NOC4L: variants seen among roughly 807,000 people sequenced by gnomAD.
NOC4L encodes nucleolar complex protein 4 homolog.
NOC4L carries 40 observed loss-of-function variants against 62.8 expected under a neutral mutation model. That is an observed-to-expected ratio of 0.64 (90% CI 0.49 to 0.83). The LOEUF (loss-of-function observed/expected upper bound fraction) is 0.83. NOC4L is among the 40% of genes least tolerant of loss of function. NOC4L has a pLI of 0.00. For missense variants in NOC4L, 927 were observed against 701.9 expected (o/e 1.32, Z -3.62); for synonymous variants, 433 against 299.8 (o/e 1.44, Z -4.59).
Position 132,151,633 on chromosome 12 carries a change from C to T in NOC4L, c.1223C>T (p.Pro408Leu). The stretch of plus-strand genomic sequence containing the variant: ...GCCTGCCGGGTCCTCGTGCACCGTC[C>T]ACACGGCCCTGGTGAGTTGCGGGGC... ...HPACRVLVHR[P>L]HGPELDADPY... The change falls in exon 12 of 15, where the codon CCA becomes CTA. Residue 408 changes from proline to leucine, a missense_variant. Pro to Leu is a moderately conservative substitution (Grantham distance 98). Coordinates refer to ENST00000330579, the MANE Select transcript of NOC4L (RefSeq NM_024078.3). 6.2e-7 allele frequency: 1 copy of T among 1,611,804 alleles called. No homozygotes were observed. The highest frequency in any genetic ancestry group is 8.5e-7 in the Non-Finnish European group (1 of 1,179,518).
Position 132,148,125 on chromosome 12 carries a change from G to T in NOC4L, c.738+19G>T. The stretch of plus-strand genomic sequence containing the variant: ...CCTGAAGGTGAGTTGCTTCTGGAGA[G>T]CCGGGCACCCTCCCGGGTTTGGGGG... On this transcript the variant is annotated intron_variant, in intron 7 of 14. Transcript: ENST00000330579. 6.2e-7 allele frequency: 1 copy of T among 1,612,852 alleles called. No individual in the cohort carries two copies. Among genetic ancestry groups the T allele is most frequent in the South Asian group, 1.1e-5 (1 of 91,024 alleles).
At position 132,151,755 on chromosome 12, in the gene NOC4L, T is replaced by A; in HGVS notation, c.1252T>A (p.Tyr418Asn). Reference protein sequence around the residue: ...PHGPELDADPYDPGEEDPAQS... With the variant: ...PHGPELDADPNDPGEEDPAQS... ...ATTCCTAGAGTTGGACGCCGACCCCTACGACCCTGGAGAGGAGGACCCAGC... is the reference window on the plus strand; with the variant it reads ...ATTCCTAGAGTTGGACGCCGACCCCAACGACCCTGGAGAGGAGGACCCAGC... The change falls in exon 13 of 15, where the codon TAC becomes AAC. Residue 418 changes from tyrosine to asparagine, a missense_variant. Tyr to Asn is a moderately radical substitution (Grantham distance 143). Coordinates refer to ENST00000330579, the MANE Select transcript of NOC4L (RefSeq NM_024078.3). 6.2e-7 allele frequency: 1 copy of A among 1,612,294 alleles called. No individual in the cohort carries two copies. The highest frequency in any genetic ancestry group is 8.5e-7 in the Non-Finnish European group (1 of 1,179,782).
At position 132,144,534 on chromosome 12, in the gene NOC4L, C is replaced by G. The variant is rs1304458145; in HGVS notation, c.46C>G (p.Arg16Gly). 8 of 1,518,380 alleles carry G rather than the reference C, an allele frequency of 5.3e-6. No homozygotes were observed. Among genetic ancestry groups the G allele is most frequent in the Admixed American group, 4.1e-5 (2 of 49,382 alleles). The allele number at this position is 1,518,380 out of a possible 1,614,324, so 94.1% of individuals were successfully genotyped here. Residue 16 changes from arginine (R) to glycine (G), a missense_variant, in exon 1 of 15, where the codon CGC becomes GGC. Transcript: ENST00000330579. Reference sequence around the variant, plus strand: ...CGCGGGAGTTCGCCGGGCTCTGGGCCGCCGGCTGGAGGCGGTGCTGGCGAG... The same window carrying G: ...CGCGGGAGTTCGCCGGGCTCTGGGCGGCCGGCTGGAGGCGGTGCTGGCGAG... ...GAAGVRRALG[R>G]RLEAVLASRS...
At chr12:132,146,483 G>T in intron 3 of NOC4L, 1 of 402,340 alleles carries the variant, frequency 2.5e-6, no homozygotes, top group South Asian at 1.8e-5. Context: ...CCTTATCAGT[G>T]GAATTACAAG....
chr12:132,148,779 C>G lies in NOC4L; in HGVS notation c.790-5C>G. On this transcript the variant is annotated splice_region_variant and splice_polypyrimidine_tract_variant and intron_variant, in intron 8 of 14. Coordinates refer to ENST00000330579, the MANE Select transcript of NOC4L (RefSeq NM_024078.3). Reference sequence around the variant, plus strand: ...CCTCACCCCCACCTGCCGGCCCCCGCCCAGCTGCCCCTCAGCCTCTACAAG... The same window carrying G: ...CCTCACCCCCACCTGCCGGCCCCCGGCCAGCTGCCCCTCAGCCTCTACAAG... 6.5e-7 allele frequency: 1 copy of G among 1,550,278 alleles called. No individual in the cohort carries two copies. The highest frequency in any genetic ancestry group is 8.7e-7 in the Non-Finnish European group (1 of 1,147,052).
intron 2 of NOC4L, among the ~76,000 whole-genome samples, chr12:132,145,338 T>C (rs2136684985): frequency 6.6e-6 from 1 of 152,328 alleles, no homozygotes; most frequent in Non-Finnish European, 1.5e-5. Context: ...TCCTGGCAGC[T>C]TGGCTGGGGC....
At position 132,152,134 on chromosome 12, in the gene NOC4L, C is replaced by T; in HGVS notation, c.1368C>T (p.Ile456=). 1.2e-6 allele frequency: 2 copies of T among 1,612,356 alleles called. No individual in the cohort carries two copies. Among genetic ancestry groups the T allele is most frequent in the East Asian group, 2.2e-5 (1 of 44,866 alleles). ...AGGTGTCCAAAGCCGCCAGCGTCAT[C>T]AACCAGGCCCTGTCCATGCCTGAGG... The part of the protein sequence containing the change: ...HPEVSKAASV[I]NQALSMPEVS... Residue 456 remains isoleucine, a synonymous_variant, in exon 14 of 15, where the codon ATC becomes ATT. Transcript: ENST00000330579.
In NOC4L at chr12:132,152,360, C is replaced by T. The variant is rs750306933; in HGVS notation, c.1510C>T (p.Arg504Trp). 53 of 1,574,366 alleles carry T rather than the reference C, an allele frequency of 3.4e-5. No individual in the cohort carries two copies. The highest frequency in any genetic ancestry group is 1.7e-4 in the Middle Eastern group (1 of 6,042). ...EFIPAQGLLG[R>W]PGELCAQHFT... ...TATCCCAGCCCAGGGCCTGCTGGGA[C>T]GGCCGGGTGAACTCTGTGCCCAGCA... Residue 504 changes from arginine (R) to tryptophan (W), a missense_variant, in exon 15 of 15, where the codon CGG becomes TGG. Coordinates refer to ENST00000330579, the MANE Select transcript of NOC4L (RefSeq NM_024078.3).
rs1331001171 is a variant in NOC4L, at chr12:132,144,502, C to T, written c.14C>T (p.Pro5Leu). Residue 5 changes from proline (P) to leucine (L), a missense_variant, in exon 1 of 15, where the codon CCG (proline) becomes CTG (leucine). Pro to Leu is a moderately conservative substitution (Grantham distance 98, BLOSUM62 -3). Transcript: ENST00000330579. ...GTTGGGGGCGGCATGGAGCGGGAGC[C>T]GGGCGCCGCGGGAGTTCGCCGGGCT... MERE[P>L]GAAGVRRALG... 7.2e-6 allele frequency: 11 copies of T among 1,519,418 alleles called. No homozygotes were observed. Among genetic ancestry groups the T allele is most frequent in the Non-Finnish European group, 7.9e-6 (9 of 1,144,538 alleles). The allele number at this position is 1,519,418 out of a possible 1,614,324, so 94.1% of individuals were successfully genotyped here.
intron 3 of NOC4L, among the ~76,000 whole-genome samples, chr12:132,146,059 T>C (rs1457731886): frequency 4.6e-5 from 7 of 152,220 alleles, no homozygotes; most frequent in African/African-American, 1.7e-4. Flanking sequence ...GCTGAGAAGT[T>C]AGCATCTGTT....
chr12:132,152,068 G>T lies in NOC4L; in HGVS notation c.1318-16G>T, dbSNP rs181204569. On this transcript the variant is annotated splice_polypyrimidine_tract_variant and intron_variant, in intron 13 of 14. Transcript: ENST00000330579. ...GGGCCTGGGGCAGCTGCCTCTTAAC[G>T]GCCCTACTGCCCCAGGCCCTCCAGC... 1.9e-6 allele frequency: 3 copies of T among 1,569,440 alleles called. No homozygotes were observed. Among genetic ancestry groups the T allele is most frequent in the Non-Finnish European group, 2.6e-6 (3 of 1,156,790 alleles).
chr12:132,151,251 C>T lies in NOC4L; in HGVS notation c.963-7C>T. ...TCCATCCGCTGCTCCTTCCCCCCGG[C>T]CCGCAGGGAGTACCCTGACTTCTAC... On this transcript the variant is annotated splice_polypyrimidine_tract_variant and splice_region_variant and intron_variant, in intron 10 of 14. Coordinates refer to ENST00000330579, the MANE Select transcript of NOC4L (RefSeq NM_024078.3). The T allele has an allele frequency of 1.2e-6, 2 of 1,608,010 alleles. No homozygotes were observed. Among genetic ancestry groups the T allele is most frequent in the Non-Finnish European group, 1.7e-6 (2 of 1,176,914 alleles).
At position 132,144,923 on chromosome 12, in the gene NOC4L, C is replaced by A. The variant is rs1160169947; in HGVS notation, c.187C>A (p.Arg63=). 1 of 1,601,046 alleles carries A rather than the reference C, an allele frequency of 6.2e-7. No homozygotes were observed. Among genetic ancestry groups the A allele is most frequent in the Admixed American group, 1.7e-5 (1 of 57,570 alleles). ...CCGTCTTTTCGGGGCCTTGCTGGAG[C>A]GGGGAGAGCTGTTTGTGGGCCAGCT... is the stretch of plus-strand genomic sequence containing the variant. ...CSRLFGALLE[R]GELFVGQLPS... Residue 63 remains arginine, a synonymous_variant, in exon 2 of 15, where the codon CGG becomes AGG. Coordinates refer to ENST00000330579, the MANE Select transcript of NOC4L (RefSeq NM_024078.3).
At chr12:132,148,954 C>CTCGT (rs1253413443) in intron 9 of NOC4L, 59 bp downstream of exon 9, 32 of 341,374 alleles carry the variant, frequency 9.4e-5, no homozygotes, top group Middle Eastern at 7.1e-4. Context: ...GTGCCGCCGC[C>CTCGT]TCACTCCTAC....
chr12:132,146,440 ACT>A, intron 3 of NOC4L: 6 of 434,190 alleles, frequency 1.4e-5, no homozygotes, highest in South Asian at 9.5e-5. Flanking sequence ...TCGCGTACAA[ACT>A]CTTGTGTGAT....
At chr12:132,146,544 TC>T (rs1343092141) in intron 3 of NOC4L, among the ~76,000 whole-genome samples, 1 of 152,148 alleles carries the variant, frequency 6.6e-6, no homozygotes, top group Non-Finnish European at 1.5e-5. Flanking sequence ...AAGACTGTTT[TC>T]CATAGTAGCT....
Position 132,148,860 on chromosome 12 carries a change from T to C in NOC4L, c.866T>C (p.Leu289Pro). 1 of 1,601,110 alleles carries C rather than the reference T, an allele frequency of 6.2e-7. No individual in the cohort carries two copies. Among genetic ancestry groups the C allele is most frequent in the Non-Finnish European group, 8.5e-7 (1 of 1,178,570 alleles). ...CTGCCGCAGCTGGCGCAGCCCACGC[T>C]CATGATCGACTTCCTCACCCGCGCC... ...AILPQLAQPT[L>P]MIDFLTRACD... The change falls in exon 9 of 15, where the codon CTC (leucine) becomes CCC (proline). Residue 289 changes from leucine (L) to proline (P), a missense_variant. By Grantham distance (98) the Leu-to-Pro change is moderately conservative. Coordinates refer to ENST00000330579, the MANE Select transcript of NOC4L (RefSeq NM_024078.3).
chr12:132,146,535 A>G (rs566282628), intron 3 of NOC4L, among the ~76,000 whole-genome samples: 2 of 152,146 alleles, frequency 1.3e-5, no homozygotes, highest in Non-Finnish European at 2.9e-5. Flanking sequence ...AGGAACTACA[A>G]GACTGTTTTC....
intron 4 of NOC4L, 33 bp from the exon 5 acceptor site, chr12:132,147,600 C>T (rs116596143): frequency 0.017 from 27,646 of 1,606,536 alleles, 890 homozygotes; most frequent in African/African-American, 0.064. Flanking sequence ...TATGCTGGGC[C>T]GGGCAGGGCT....
Sources: gnomAD v4.1 joint callset for allele counts (sites outside exome capture counted in the v4.1 genomes callset) on GRCh38, gnomAD v4.1.1 for gene constraint, MANE v1.5 for transcripts, NCBI Gene and HGNC (gene_info 2026-07-23, HGNC 2026-07-21) for gene names.